WNK1: variants seen among roughly 807,000 people sequenced by gnomAD.
The protein encoded by WNK1 is serine/threonine-protein kinase WNK1.
Under a neutral mutation model 222.8 loss-of-function variants are expected in WNK1, and 38 were observed. The observed-to-expected ratio is 0.17, with a 90% CI of 0.13 to 0.22. The LOEUF (loss-of-function observed/expected upper bound fraction) is 0.22. Among genes scored for constraint, WNK1 ranks in the 10% least tolerant of loss-of-function variants. The probability of loss-of-function intolerance (pLI) is 1.00; values close to 1 mark genes in which losing one functional copy is unlikely to be tolerated. For synonymous variants in WNK1, 1,090 were observed against 1,092.9 expected (o/e 1.00, Z 0.05); for missense variants, 2,348 against 2,918.4 (o/e 0.80, Z 4.50).
Position 885,550 on chromosome 12 carries a change from T to C in WNK1, c.4746T>C (p.Leu1582=). Residue 1582 remains leucine, a synonymous_variant, in exon 19 of 28, where the codon CTT becomes CTC. Coordinates refer to ENST00000315939, the MANE Select transcript of WNK1 (RefSeq NM_018979.4). ...IPSVIASTPI[L]PQAAGPTSTP... is the part of the protein sequence containing the mutation. ...CAGTGATAGCTTCTACTCCTATTCT[T>C]CCCCAAGCAGCAGGACCTACTTCTA... The C allele has an allele frequency of 1.2e-6, 2 of 1,614,066 alleles. No individual in the cohort carries two copies. Among genetic ancestry groups the C allele is most frequent in the South Asian group, 2.2e-5 (2 of 91,086 alleles).
chr12:816,638 G>A (rs1389629242), intron 2 of WNK1, among the ~76,000 whole-genome samples: 1 of 151,988 alleles, frequency 6.6e-6, no homozygotes, highest in Non-Finnish European at 1.5e-5. Context: ...ACATAAATTT[G>A]TACCATCTAC....
intron 25 of WNK1, among the ~76,000 whole-genome samples, chr12:899,794 A>G (rs1189521478): frequency 1.3e-5 from 2 of 152,130 alleles, no homozygotes; most frequent in South Asian, 2.1e-4. Flanking sequence ...TTTATAGGAA[A>G]GTCTAAGCAG....
Position 896,041 on chromosome 12 carries a change from A to G in WNK1, c.5584-30A>G, listed in dbSNP as rs1000818339. On this transcript the variant is annotated intron_variant, in intron 23 of 27. Transcript: ENST00000315939. The stretch of plus-strand genomic sequence containing the variant: ...GATAGAAATTGGATATTGAGAACTT[A>G]AGTTTTTAATCTTTGTCCTTTTTTA... The G allele has an allele frequency of 3.7e-6, 6 of 1,613,850 alleles. No homozygotes were observed. The African/African-American group carries it at 8.0e-5, about 22-fold the overall frequency.
intron 1 of WNK1, among the ~76,000 whole-genome samples, chr12:795,994 C>T (rs1022494215): frequency 1.3e-5 from 2 of 152,026 alleles, no homozygotes; most frequent in Non-Finnish European, 2.9e-5. Context: ...TTCAAGTGAC[C>T]TTCCCACCGC....
chr12:869,258 T>C lies in WNK1; in HGVS notation c.2140-2007T>C, dbSNP rs767626382. ...TCCCCATCTTTGGGGGGTTGTGAAC[T>C]ACATATATGCATTTAAAAACAAAAT... On this transcript the variant is annotated intron_variant, in intron 8 of 27. Coordinates refer to ENST00000315939, the MANE Select transcript of WNK1 (RefSeq NM_018979.4). The C allele has an allele frequency of 1.7e-4, 181 of 1,061,412 alleles. 1 individual carries two copies. The highest frequency in any genetic ancestry group is 2.3e-4 in the Non-Finnish European group (158 of 701,986). The allele number at this position is 1,061,412 out of a possible 1,614,324, so 65.7% of individuals were successfully genotyped here. A position where few individuals can be genotyped will look rare whatever the true frequency, so the allele number is the denominator to read the frequency against.
chr12:848,496 C>CTTTTTT lies in WNK1; in HGVS notation c.1312-8650_1312-8645dup, dbSNP rs10644583. The stretch of plus-strand genomic sequence containing the variant: ...GAGGCAGCAAAGAAGCCAGTAAAAA[C>CTTTTTT]TTTTTTTTTTTTTTTTTTTTGCTTG... On this transcript the variant is annotated intron_variant, in intron 4 of 27. Transcript: ENST00000315939. Among the ~76,000 whole-genome samples the CTTTTTT allele has an allele frequency of 7.3e-3, 725 of 99,192 alleles. 23 individuals carry two copies. The highest frequency in any genetic ancestry group is 9.4e-3 in the African/African-American group (252 of 26,682). 65.1% of individuals were successfully genotyped at this position (99,192 alleles called of 152,430 possible).
At chr12:874,911 A>T (rs1232688807) in intron 9 of WNK1, among the ~76,000 whole-genome samples, 3 of 152,128 alleles carry the variant, frequency 2.0e-5, no homozygotes, top group African/African-American at 7.2e-5. Context: ...AGAAATTAAC[A>T]TCTCTCCCAA....
intron 4 of WNK1, chr12:851,318 G>T: frequency 1.0e-6 from 1 of 979,510 alleles, no homozygotes; most frequent in South Asian, 4.6e-5. Flanking sequence ...TGTACATAGA[G>T]TTAAGCATCC....
chr12:822,887 C>G (rs1045422920), intron 2 of WNK1, among the ~76,000 whole-genome samples: 8 of 152,118 alleles, frequency 5.3e-5, no homozygotes, highest in African/African-American at 1.7e-4. Flanking sequence ...AAGTTATTGT[C>G]TAGTGTTCTT....
Position 897,530 on chromosome 12 carries a change from A to G in WNK1, c.6297A>G (p.Glu2099=), listed in dbSNP as rs2154095914. The change falls in exon 25 of 28, where the codon GAA becomes GAG. Residue 2099 remains glutamate, a synonymous_variant. Transcript: ENST00000315939. ...DLQSRQKHEI[E]SLYTKLGKVP... ...AGAGTCGCCAGAAGCATGAAATTGAATCTTTGTATACCAAACTGGGCAAGG... is the reference window on the plus strand; with the variant it reads ...AGAGTCGCCAGAAGCATGAAATTGAGTCTTTGTATACCAAACTGGGCAAGG... 1 of 1,613,544 alleles carries G rather than the reference A, an allele frequency of 6.2e-7. No individual in the cohort carries two copies. Among genetic ancestry groups the G allele is most frequent in the Non-Finnish European group, 8.5e-7 (1 of 1,179,416 alleles).
intron 2 of WNK1, among the ~76,000 whole-genome samples, chr12:815,959 T>C (rs1004234568): frequency 6.6e-6 from 1 of 152,234 alleles, no homozygotes; most frequent in African/African-American, 2.4e-5. Context: ...TAAGCAGAGA[T>C]AACTCAAAGC....
At chr12:900,035 T>TG (rs1955119004) in intron 25 of WNK1, among the ~76,000 whole-genome samples, 1 of 149,826 alleles carries the variant, frequency 6.7e-6, no homozygotes, top group African/African-American at 2.5e-5. Context: ...TTTTTTTTTT[T>TG]GAGTGCAGTG....
At position 840,291 on chromosome 12, in the gene WNK1, CTTTTTTTT is replaced by C. The variant is rs71441622; in HGVS notation, c.1311+10145_1311+10152del. ...TACAGACATGTGCCACCATGTCCAG[CTTTTTTTT>C]TTTTTTTTTTTTTGTAGAGGTGGGG... On this transcript the variant is annotated intron_variant, in intron 4 of 27. Coordinates refer to ENST00000315939, the MANE Select transcript of WNK1 (RefSeq NM_018979.4). 2.9e-3 allele frequency among the ~76,000 whole-genome samples: 377 copies of C among 128,392 alleles called. 4 individuals carry two copies. Among genetic ancestry groups the C allele is most frequent in the African/African-American group, 8.8e-3 (289 of 32,838 alleles). 84.2% of individuals were successfully genotyped at this position (128,392 alleles called of 152,430 possible). A position where few individuals can be genotyped will look rare whatever the true frequency, so the allele number is the denominator to read the frequency against.
intron 1 of WNK1, among the ~76,000 whole-genome samples, chr12:799,297 ATT>A (rs202143100): frequency 1.8e-4 from 25 of 139,024 alleles, no homozygotes; most frequent in African/African-American, 4.2e-4. Context: ...TAATTTTTGT[ATT>A]TTTTTTTTTT....
chr12:801,111 T>C (rs1382489950), intron 1 of WNK1, among the ~76,000 whole-genome samples: 1 of 152,188 alleles, frequency 6.6e-6, no homozygotes. Flanking sequence ...TCTTTATTGT[T>C]TGCATTTAAT....
At position 879,589 on chromosome 12, in the gene WNK1, C is replaced by T; in HGVS notation, c.2390C>T (p.Pro797Leu). 2 of 1,606,140 alleles carry T rather than the reference C, an allele frequency of 1.2e-6. No individual in the cohort carries two copies. The highest frequency in any genetic ancestry group is 1.7e-6 in the Non-Finnish European group (2 of 1,177,794). The change falls in exon 11 of 28, where the codon CCA (proline) becomes CTA (leucine). Residue 797 changes from proline (P) to leucine (L), a missense_variant. Physicochemically the swap from Pro to Leu is moderately conservative, Grantham distance 98. Coordinates refer to ENST00000315939, the MANE Select transcript of WNK1 (RefSeq NM_018979.4). Reference sequence around the variant, plus strand: ...CCTTCCCAGCTTCCAGTTTCCCAGCCAGTACCAACTATCCAAGGCGAACCT... The same window carrying T: ...CCTTCCCAGCTTCCAGTTTCCCAGCTAGTACCAACTATCCAAGGCGAACCT... The part of the protein sequence containing the change: ...SAGKQLPVSQ[P>L]VPTIQGEPQI...
intron 1 of WNK1, among the ~76,000 whole-genome samples, chr12:754,800 G>A (rs566289887): frequency 4.6e-5 from 7 of 152,232 alleles, no homozygotes; most frequent in Admixed American, 3.3e-4. Context: ...TGGTTGCACA[G>A]GCATTTAGTA....
chr12:844,803 A>G (rs1035995402), intron 4 of WNK1, among the ~76,000 whole-genome samples: 2 of 151,842 alleles, frequency 1.3e-5, no homozygotes, highest in Admixed American at 6.6e-5. Flanking sequence ...GGGTTTAAAT[A>G]AGTTCTTAGA....
intron 24 of WNK1, 71 bp downstream of exon 24, chr12:896,803 A>C: frequency 6.5e-7 from 1 of 1,546,608 alleles, no homozygotes; most frequent in Non-Finnish European, 8.7e-7. Context: ...GCCAAGATTA[A>C]TAATATTTTT....
Sources: allele counts gnomAD v4.1 joint callset (sites outside exome capture counted in the v4.1 genomes callset), GRCh38; gene constraint gnomAD v4.1.1; transcripts MANE v1.5; gene names NCBI Gene and HGNC (gene_info 2026-07-23, HGNC 2026-07-21).